SLC36A1: variants seen among roughly 807,000 people sequenced by gnomAD.
The protein encoded by SLC36A1 is solute carrier family 36 member 1.
Under a neutral mutation model 47.5 loss-of-function variants are expected in SLC36A1, and 30 were observed. That is an observed-to-expected ratio of 0.63 (90% CI 0.47 to 0.86). SLC36A1 has a LOEUF of 0.86. Among genes scored for constraint, SLC36A1 ranks in the 40% least tolerant of loss-of-function variants. The pLI is 0.00. For missense variants in SLC36A1, 517 were observed against 606.0 expected (o/e 0.85, Z 1.54); for synonymous variants, 255 against 249.7 (o/e 1.02, Z -0.20).
At chr5:151,551,700 G>C in the SLC36A1 span, 49 of 1,366,238 alleles carry the variant, frequency 3.6e-5, no homozygotes, top group Non-Finnish European at 4.9e-5. Context: ...AGAGGACACG[G>C]TGGTAAATTC....
chr5:151,383,137 G>C, the SLC36A1 span, among the ~76,000 whole-genome samples: 6 of 152,172 alleles, frequency 3.9e-5, no homozygotes. Context: ...GTATGTACAG[G>C]AATACAAATC....
chr5:151,436,204 AC>A (rs1399522674), upstream of SLC36A1, among the ~76,000 whole-genome samples: 4 of 152,228 alleles, frequency 2.6e-5, no homozygotes, highest in Admixed American at 2.0e-4. Flanking sequence ...GGTGCAACTT[AC>A]CCAGAAAGTT....
the SLC36A1 span, among the ~76,000 whole-genome samples, chr5:151,409,588 C>T: frequency 2.6e-5 from 4 of 152,166 alleles, no homozygotes; most frequent in African/African-American, 7.2e-5. Context: ...GGCTATGAAC[C>T]AGCAGCATCA....
At chr5:151,507,104 C>T in the SLC36A1 span, 1 of 1,485,428 alleles carries the variant, frequency 6.7e-7, no homozygotes, top group Non-Finnish European at 9.1e-7. Flanking sequence ...TTTAGAACCA[C>T]CACCCACTTC....
At chr5:151,538,149 A>G in the SLC36A1 span, among the ~76,000 whole-genome samples, 1 of 152,170 alleles carries the variant, frequency 6.6e-6, no homozygotes, top group Admixed American at 6.5e-5. Flanking sequence ...AGGAGGTAGA[A>G]TAAGATGAAA....
chr5:151,554,748 T>C, the SLC36A1 span: 1 of 1,125,302 alleles, frequency 8.9e-7, no homozygotes. Context: ...AACCTGGAAA[T>C]AGTAGTCACT....
At chr5:151,462,080 A>C (rs1755604068) in intron 2 of SLC36A1, among the ~76,000 whole-genome samples, 1 of 152,144 alleles carries the variant, frequency 6.6e-6, no homozygotes, top group African/African-American at 2.4e-5. Context: ...CTCAAGGAAA[A>C]CAATAGATAA....
chr5:151,543,379 G>T, the SLC36A1 span: 1 of 1,613,996 alleles, frequency 6.2e-7, no homozygotes, highest in Non-Finnish European at 8.5e-7. Flanking sequence ...TTTGAACTGT[G>T]GGGGGTTGTC....
chr5:151,385,037 TGAGA>T, the SLC36A1 span, among the ~76,000 whole-genome samples: 5 of 142,110 alleles, frequency 3.5e-5, no homozygotes, highest in East Asian at 2.0e-4. Flanking sequence ...TGTGTGTGTG[TGAGA>T]GAGAGAGAGA....
the SLC36A1 span, chr5:151,382,047 C>T: frequency 7.3e-6 from 5 of 686,618 alleles, no homozygotes; most frequent in East Asian, 2.6e-5. Flanking sequence ...AGTCTTTGCC[C>T]TTCCTGTTAC....
At chr5:151,458,557 C>G (rs17112008) in intron 1 of SLC36A1, among the ~76,000 whole-genome samples, 1 of 151,748 alleles carries the variant, frequency 6.6e-6, no homozygotes, top group Non-Finnish European at 1.5e-5. Context: ...TGTAGCACCA[C>G]GTATACCAAT....
intron 1 of SLC36A1, among the ~76,000 whole-genome samples, chr5:151,450,764 AG>A (rs1753536749): frequency 6.6e-6 from 1 of 152,212 alleles, no homozygotes; most frequent in Non-Finnish European, 1.5e-5. Flanking sequence ...ATCGCTTCAA[AG>A]GTCAGATGAG....
chr5:151,458,668 T>C (rs1311177461), intron 1 of SLC36A1, 120 bp from the exon 2 acceptor site: 4 of 1,077,340 alleles, frequency 3.7e-6, no homozygotes, highest in Non-Finnish European at 5.2e-6. Context: ...ACTTAATCCA[T>C]AGTGGAGCTG....
chr5:151,455,294 T>C (rs1754328955), intron 1 of SLC36A1, among the ~76,000 whole-genome samples: 1 of 152,200 alleles, frequency 6.6e-6, no homozygotes, highest in Non-Finnish European at 1.5e-5. Context: ...TTGGATTATA[T>C]TATTGCCTTC....
chr5:151,372,079 T>C, the SLC36A1 span, among the ~76,000 whole-genome samples: 1 of 152,226 alleles, frequency 6.6e-6, no homozygotes, highest in Non-Finnish European at 1.5e-5. Context: ...CCTCTAAAAT[T>C]CAACTCTAAA....
At chr5:151,446,733 G>A (rs1415576070), upstream of SLC36A1, among the ~76,000 whole-genome samples, 5 of 152,300 alleles carry the variant, frequency 3.3e-5, no homozygotes, top group African/African-American at 7.2e-5. Flanking sequence ...GAGAAAAAAT[G>A]TGTATTCTGT....
the SLC36A1 span, among the ~76,000 whole-genome samples, chr5:151,406,106 C>T: frequency 6.6e-6 from 1 of 152,176 alleles, no homozygotes; most frequent in Non-Finnish European, 1.5e-5. Flanking sequence ...GTGCCCCCTC[C>T]AATCACTGGT....
At chr5:151,435,617 AC>A (rs1456433054), upstream of SLC36A1, among the ~76,000 whole-genome samples, 1 of 152,122 alleles carries the variant, frequency 6.6e-6, no homozygotes, top group African/African-American at 2.4e-5. Flanking sequence ...ATATTGCTTA[AC>A]TTTTTGTTAA....
the SLC36A1 span, among the ~76,000 whole-genome samples, chr5:151,513,133 T>A: frequency 3.2e-4 from 48 of 152,354 alleles, 1 homozygote; most frequent in East Asian, 9.1e-3. Context: ...TGGAGACACA[T>A]GTTGTCACAA....
Sources: allele counts gnomAD v4.1 joint callset (sites outside exome capture counted in the v4.1 genomes callset), GRCh38; gene constraint gnomAD v4.1.1; transcripts MANE v1.5; gene names NCBI Gene and HGNC (gene_info 2026-07-23, HGNC 2026-07-21).